The following RALGPS1 variants were observed in gnomAD, a reference collection of about 807,000 sequenced individuals.
RALGPS1 encodes Ral GEF with PH domain and SH3 binding motif 1.
RALGPS1 carries 19 observed loss-of-function variants against 78.8 expected under a neutral mutation model. The observed-to-expected ratio is 0.24, with a 90% confidence interval of 0.17 to 0.35. The LOEUF (loss-of-function observed/expected upper bound fraction) is 0.35, where lower values mean the gene tolerates loss of function less well. Ranked by LOEUF, RALGPS1 falls within the 10% of genes least tolerant of loss-of-function variation. The pLI, the probability that RALGPS1 is intolerant of heterozygous loss-of-function variation, is 1.00. For missense variants in RALGPS1, 454 were observed against 688.3 expected, an observed-to-expected ratio of 0.66 and a Z score of 3.81; for synonymous variants, 228 against 256.3, an observed-to-expected ratio of 0.89 and a Z score of 1.06.
chr9:127,151,609 A>AT (rs2058427651), intron 8 of RALGPS1, among the ~76,000 whole-genome samples: 2 of 151,898 alleles, frequency 1.3e-5, no homozygotes, highest in African/African-American at 4.8e-5. Context: ...TGGTTTTTTT[A>AT]TTTTTTTATT....
intron 1 of RALGPS1, among the ~76,000 whole-genome samples, chr9:126,936,991 C>T (rs906872501): frequency 1.2e-4 from 18 of 152,074 alleles, no homozygotes; most frequent in African/African-American, 4.3e-4. Context: ...GCTGGGATTA[C>T]AGGTATGCAC....
intron 4 of RALGPS1, among the ~76,000 whole-genome samples, chr9:127,026,290 G>A (rs111478952): frequency 6.6e-6 from 1 of 152,138 alleles, no homozygotes; most frequent in Non-Finnish European, 1.5e-5. Flanking sequence ...TATTCTAGCC[G>A]CATTGGCAGC....
chr9:127,029,144 G>A (rs62580808), intron 4 of RALGPS1, among the ~76,000 whole-genome samples: 4,203 of 152,214 alleles, frequency 0.028, 52 homozygotes, highest in Middle Eastern at 0.048. Flanking sequence ...AGACTTCCTT[G>A]TGGGTGACAA....
intron 1 of RALGPS1, among the ~76,000 whole-genome samples, chr9:126,956,268 C>T (rs1459049365): frequency 6.6e-6 from 1 of 152,108 alleles, no homozygotes; most frequent in African/African-American, 2.4e-5. Flanking sequence ...GCCAGGCTAA[C>T]CCCCTCAGTG....
At chr9:126,957,974 A>C (rs975459689) in intron 1 of RALGPS1, among the ~76,000 whole-genome samples, 2 of 151,526 alleles carry the variant, frequency 1.3e-5, no homozygotes, top group African/African-American at 4.8e-5. Flanking sequence ...TCATTTCTAC[A>C]AAAAATAGAA....
intron 1 of RALGPS1, among the ~76,000 whole-genome samples, chr9:126,915,649 C>T (rs1482390324): frequency 6.6e-6 from 1 of 152,100 alleles, no homozygotes; most frequent in African/African-American, 2.4e-5. Context: ...CTGACTCGGG[C>T]TTGGAGCTCA....
chr9:127,125,273 C>G (rs1234272943), intron 8 of RALGPS1, among the ~76,000 whole-genome samples: 1 of 152,170 alleles, frequency 6.6e-6, no homozygotes, highest in Non-Finnish European at 1.5e-5. Flanking sequence ...GCTGTGAGTC[C>G]CCTGAGGCAG....
At chr9:126,980,836 A>T (rs1176508329) in intron 4 of RALGPS1, among the ~76,000 whole-genome samples, 1 of 152,200 alleles carries the variant, frequency 6.6e-6, no homozygotes, top group East Asian at 1.9e-4. Context: ...CCTGCACTGC[A>T]CAGTGGGCTT....
chr9:127,083,807 C>T (rs921582706), intron 8 of RALGPS1, among the ~76,000 whole-genome samples: 4 of 152,198 alleles, frequency 2.6e-5, no homozygotes, highest in Admixed American at 6.5e-5. Context: ...TCTAACACTT[C>T]CTCATTCCAG....
chr9:126,959,869 A>C (rs2038712950), intron 1 of RALGPS1, among the ~76,000 whole-genome samples: 1 of 152,212 alleles, frequency 6.6e-6, no homozygotes, highest in Non-Finnish European at 1.5e-5. Context: ...GAGAATTGAC[A>C]GAAAGTCAGT....
intron 8 of RALGPS1, among the ~76,000 whole-genome samples, chr9:127,123,975 C>T (rs1352228961): frequency 2.0e-5 from 3 of 152,124 alleles, no homozygotes; most frequent in Non-Finnish European, 4.4e-5. Flanking sequence ...TGTTTGGGAA[C>T]AAATTGGGAG....
At chr9:127,038,537 G>A (rs968160935) in intron 5 of RALGPS1, among the ~76,000 whole-genome samples, 2 of 152,094 alleles carry the variant, frequency 1.3e-5, no homozygotes, top group African/African-American at 4.8e-5. Context: ...TTTCCTCATT[G>A]TGTAATACTC....
intron 8 of RALGPS1, among the ~76,000 whole-genome samples, chr9:127,126,513 T>C (rs1461371946): frequency 6.6e-6 from 1 of 152,248 alleles, no homozygotes. Context: ...TACACACTTG[T>C]TCTTCCACAG....
intron 4 of RALGPS1, among the ~76,000 whole-genome samples, chr9:126,984,122 A>G (rs1362646805): frequency 6.6e-6 from 1 of 151,814 alleles, no homozygotes. Flanking sequence ...TTCCTTTTTC[A>G]GAGACAGAGT....
chr9:127,184,921 T>C (rs751473412), intron 11 of RALGPS1, among the ~76,000 whole-genome samples: 16 of 152,220 alleles, frequency 1.1e-4, no homozygotes, highest in Non-Finnish European at 2.1e-4. Context: ...GCTGCTTAAA[T>C]AGGGCAGTGC....
intron 1 of RALGPS1, among the ~76,000 whole-genome samples, chr9:126,933,775 G>A (rs985349653): frequency 2.6e-5 from 4 of 152,112 alleles, no homozygotes; most frequent in South Asian, 2.1e-4. Flanking sequence ...AAGTGGCCAC[G>A]GAGCTCATAG....
intron 4 of RALGPS1, among the ~76,000 whole-genome samples, chr9:126,999,315 C>T (rs1300855584): frequency 6.6e-6 from 1 of 152,102 alleles, no homozygotes; most frequent in Non-Finnish European, 1.5e-5. Flanking sequence ...ATTGAAGACC[C>T]TACACTGATA....
At chr9:127,127,103 T>G (rs1457382844) in intron 8 of RALGPS1, among the ~76,000 whole-genome samples, 1 of 152,194 alleles carries the variant, frequency 6.6e-6, no homozygotes, top group East Asian at 1.9e-4. Context: ...GTGTAGTAAT[T>G]TTGGGGCTTT....
intron 8 of RALGPS1, among the ~76,000 whole-genome samples, chr9:127,135,154 G>A (rs2057306982): frequency 6.6e-6 from 1 of 152,210 alleles, no homozygotes; most frequent in Non-Finnish European, 1.5e-5. Context: ...CTTTGGGGAG[G>A]GAGATTGACA....
Sources: gnomAD v4.1 joint callset for allele counts (sites outside exome capture counted in the v4.1 genomes callset) on GRCh38, gnomAD v4.1.1 for gene constraint, MANE v1.5 for transcripts, NCBI Gene and HGNC (gene_info 2026-07-23, HGNC 2026-07-21) for gene names.